TRHDE: variants seen among roughly 807,000 people sequenced by gnomAD.
TRHDE encodes thyrotropin-releasing hormone-degrading ectoenzyme.
TRHDE carries 72 observed loss-of-function variants against 125.7 expected under a neutral mutation model. The ratio of observed to expected loss-of-function variants is 0.57; its 90% confidence interval spans 0.47 to 0.70. The LOEUF is 0.70. Ranked by LOEUF, TRHDE falls within the 30% of genes least tolerant of loss-of-function variation. The probability of loss-of-function intolerance (pLI) is 0.00; values close to 1 mark genes in which losing one functional copy is unlikely to be tolerated. For missense variants in TRHDE, 1,110 were observed against 1,327.1 expected, an observed-to-expected ratio of 0.84 and a Z score of 2.54; for synonymous variants, 509 against 509.1, an observed-to-expected ratio of 1.00 and a Z score of 0.00.
chr12:72,327,883 T>C (rs559893224), intron 2 of TRHDE, among the ~76,000 whole-genome samples: 6 of 152,320 alleles, frequency 3.9e-5, no homozygotes, highest in African/African-American at 1.2e-4. Flanking sequence ...CGCTCAGGCT[T>C]CTTTTTGCCA....
intron 1 of TRHDE, among the ~76,000 whole-genome samples, chr12:72,105,369 C>G (rs1875162822): frequency 6.6e-6 from 1 of 151,946 alleles, no homozygotes; most frequent in Admixed American, 6.6e-5. Context: ...GGCATGGATT[C>G]AGGATTAAAT....
At chr12:72,229,393 G>T (rs905398150) in intron 2 of TRHDE, among the ~76,000 whole-genome samples, 2 of 152,110 alleles carry the variant, frequency 1.3e-5, no homozygotes, top group African/African-American at 4.8e-5. Flanking sequence ...ACATGGGAAA[G>T]ACCTCCCCTC....
intron 5 of TRHDE, among the ~76,000 whole-genome samples, chr12:72,482,912 T>C (rs1877237359): frequency 6.6e-6 from 1 of 151,940 alleles, no homozygotes; most frequent in South Asian, 2.1e-4. Context: ...AGGGAACTTT[T>C]CTTGAAATTG....
chr12:72,540,103 G>T (rs1869067988), intron 6 of TRHDE, among the ~76,000 whole-genome samples: 1 of 151,684 alleles, frequency 6.6e-6, no homozygotes, highest in Non-Finnish European at 1.5e-5. Flanking sequence ...GTATATGTTG[G>T]CTAAACCATG....
In TRHDE at chr12:72,667,336, T is replaced by C. The variant is rs1016159537; in HGVS notation, c.*4141T>C. ...AGATTTCTTACACCTGATTTTTTCA[T>C]TATCAGAGATAATTATCAGAGATAA... On this transcript the variant is annotated 3_prime_UTR_variant, in exon 19 of 19. Transcript: ENST00000261180. 3 of 151,832 alleles carry C rather than the reference T, an allele frequency of 2.0e-5. No individual in the cohort carries two copies. Among genetic ancestry groups the C allele is most frequent in the Non-Finnish European group, 4.4e-5 (3 of 67,850 alleles). The allele number at this position is 151,832 out of a possible 1,614,324, so 9.4% of individuals were successfully genotyped here.
At chr12:72,597,756 T>TAAAC (rs1276841173) in intron 12 of TRHDE, among the ~76,000 whole-genome samples, 1 of 10,628 alleles carries the variant, frequency 9.4e-5, no homozygotes, top group Admixed American at 1.7e-3. Flanking sequence ...TATATATATA[T>TAAAC]ATGCATACAC....
chr12:72,375,245 A>G (rs537658226), intron 2 of TRHDE, among the ~76,000 whole-genome samples: 2 of 152,284 alleles, frequency 1.3e-5, no homozygotes, highest in South Asian at 2.1e-4. Context: ...AGCAGTAAGT[A>G]TGAATGTCTT....
At chr12:72,333,365 G>T (rs1488895995) in intron 2 of TRHDE, among the ~76,000 whole-genome samples, 1 of 152,258 alleles carries the variant, frequency 6.6e-6, no homozygotes, top group Admixed American at 6.5e-5. Context: ...TTTGAAGGTT[G>T]TCTGAATTGG....
At chr12:72,568,127 C>T (rs903969700) in intron 9 of TRHDE, among the ~76,000 whole-genome samples, 5 of 151,774 alleles carry the variant, frequency 3.3e-5, no homozygotes, top group Non-Finnish European at 5.9e-5. Flanking sequence ...TAATAGTGTC[C>T]TACAGAGTCA....
At position 72,579,075 on chromosome 12, in the gene TRHDE, T is replaced by C. The variant is rs183684589; in HGVS notation, c.2321+3533T>C. Reference sequence around the variant, plus strand: ...CTTTTTATTGTTTCTAATTTTTCACTATTAGAATCAAGATTGCAATGAGTG... The same window carrying C: ...CTTTTTATTGTTTCTAATTTTTCACCATTAGAATCAAGATTGCAATGAGTG... On this transcript the variant is annotated intron_variant, in intron 12 of 18. Coordinates refer to ENST00000261180, the MANE Select transcript of TRHDE (RefSeq NM_013381.3). Among the ~76,000 whole-genome samples the C allele has an allele frequency of 4.2e-3, 643 of 152,016 alleles. 2 individuals are homozygous for C. The highest frequency in any genetic ancestry group is 0.014 in the African/African-American group (590 of 41,516).
chr12:72,353,960 A>T (rs1870700523), intron 2 of TRHDE, among the ~76,000 whole-genome samples: 1 of 151,574 alleles, frequency 6.6e-6, no homozygotes, highest in African/African-American at 2.4e-5. Flanking sequence ...TCTCAAGATG[A>T]TGCACATGGA....
intron 1 of TRHDE, among the ~76,000 whole-genome samples, chr12:72,099,207 T>G (rs1382284464): frequency 6.6e-6 from 1 of 152,182 alleles, no homozygotes; most frequent in Non-Finnish European, 1.5e-5. Context: ...TAAATTTTTT[T>G]GCCAATCACC....
At chr12:72,375,020 T>C (rs964014251) in intron 2 of TRHDE, among the ~76,000 whole-genome samples, 1 of 151,990 alleles carries the variant, frequency 6.6e-6, no homozygotes, top group Admixed American at 6.6e-5. Flanking sequence ...AAAGCATAGA[T>C]TGGTGATGTG....
At chr12:72,498,220 A>G (rs914235167) in intron 5 of TRHDE, among the ~76,000 whole-genome samples, 2 of 152,220 alleles carry the variant, frequency 1.3e-5, no homozygotes, top group Non-Finnish European at 2.9e-5. Flanking sequence ...TCAATTAAAC[A>G]TACTAAATCA....
At chr12:72,456,170 CACACACAG>C (rs1407903169) in intron 3 of TRHDE, among the ~76,000 whole-genome samples, 1 of 128,516 alleles carries the variant, frequency 7.8e-6, no homozygotes, top group African/African-American at 2.8e-5. Flanking sequence ...CACACACACA[CACACACAG>C]AGACTCAGAG....
At chr12:72,319,428 G>A (rs7957413) in intron 2 of TRHDE, among the ~76,000 whole-genome samples, 52,947 of 152,002 alleles carry the variant, frequency 0.35, 9,922 homozygotes, top group Non-Finnish European at 0.43. Context: ...ATATTTGCAT[G>A]TCAAGAACTT....
At chr12:72,147,364 C>T (rs1876254018) in intron 2 of TRHDE, among the ~76,000 whole-genome samples, 1 of 152,116 alleles carries the variant, frequency 6.6e-6, no homozygotes, top group African/African-American at 2.4e-5. Flanking sequence ...GGACTGTCCT[C>T]AGATGTACAA....
chr12:72,100,196 A>G (rs990350118), intron 1 of TRHDE, among the ~76,000 whole-genome samples: 9 of 152,198 alleles, frequency 5.9e-5, no homozygotes, highest in African/African-American at 1.9e-4. Flanking sequence ...TAGTCCCTAC[A>G]TTTATAAAAT....
intron 1 of TRHDE, among the ~76,000 whole-genome samples, chr12:72,103,138 C>T (rs1262214526): frequency 6.6e-6 from 1 of 152,172 alleles, no homozygotes; most frequent in Non-Finnish European, 1.5e-5. Flanking sequence ...CAGTCTGAGA[C>T]ACAATTTGAA....
Sources: gnomAD v4.1 joint callset for allele counts (sites outside exome capture counted in the v4.1 genomes callset) on GRCh38, gnomAD v4.1.1 for gene constraint, MANE v1.5 for transcripts, NCBI Gene and HGNC (gene_info 2026-07-23, HGNC 2026-07-21) for gene names.